UNC13C: variants seen among roughly 807,000 people sequenced by gnomAD.
UNC13C encodes the protein protein unc-13 homolog C.
In UNC13C, 174 loss-of-function variants were observed where a neutral mutation model predicts 245.4. That is an observed-to-expected ratio of 0.71 (90% confidence interval 0.63 to 0.80). The LOEUF (loss-of-function observed/expected upper bound fraction) is 0.80. Ranked by LOEUF, UNC13C falls within the 30% of genes least tolerant of loss-of-function variation. The pLI is 0.00. For missense variants in UNC13C, 2,829 were observed against 2,602.9 expected, an observed-to-expected ratio of 1.09 and a Z score of -1.89; for synonymous variants, 992 against 895.1, an observed-to-expected ratio of 1.11 and a Z score of -1.93.
intron 2 of UNC13C, among the ~76,000 whole-genome samples, chr15:54,114,168 T>G (rs2030043519): frequency 6.6e-6 from 1 of 152,184 alleles, no homozygotes; most frequent in South Asian, 2.1e-4. Flanking sequence ...TGCATCCTCT[T>G]TCTATAGATT....
intron 2 of UNC13C, among the ~76,000 whole-genome samples, chr15:54,022,859 C>A (rs1023334796): frequency 6.6e-6 from 1 of 152,086 alleles, no homozygotes. Flanking sequence ...CAGTAGAGAA[C>A]CAGCTAGGGA....
chr15:54,393,288 T>C, intron 18 of UNC13C, 107 bp downstream of exon 18: 1 of 973,738 alleles, frequency 1.0e-6, no homozygotes, highest in East Asian at 3.2e-5. Flanking sequence ...TTTTCCATAA[T>C]TAAGCTATAG....
chr15:54,621,647 T>C (rs1460545410), intron 30 of UNC13C, among the ~76,000 whole-genome samples: 1 of 152,126 alleles, frequency 6.6e-6, no homozygotes, highest in Non-Finnish European at 1.5e-5. Flanking sequence ...AGTAAGAGGT[T>C]GGTGTTATCC....
At chr15:54,631,734 T>G (rs1207701954), downstream of UNC13C, 1 of 152,220 alleles carries the variant, frequency 6.6e-6, no homozygotes, top group Non-Finnish European at 1.5e-5. Flanking sequence ...ATTAAAAAGA[T>G]TTCATTCACC....
At chr15:54,168,520 C>A (rs971595322) in intron 4 of UNC13C, among the ~76,000 whole-genome samples, 1 of 152,102 alleles carries the variant, frequency 6.6e-6, no homozygotes, top group African/African-American at 2.4e-5. Flanking sequence ...CAGCGTTCAA[C>A]TTTTATATGC....
chr15:54,103,240 G>T (rs535122848), intron 2 of UNC13C, among the ~76,000 whole-genome samples: 2 of 152,076 alleles, frequency 1.3e-5, no homozygotes, highest in Admixed American at 6.5e-5. Flanking sequence ...CATACATCTC[G>T]CCATTCTTTT....
chr15:54,233,185 A>C (rs1161104676), intron 4 of UNC13C, among the ~76,000 whole-genome samples: 2 of 152,138 alleles, frequency 1.3e-5, no homozygotes, highest in Non-Finnish European at 2.9e-5. Context: ...AGAGAGTGTT[A>C]ATTGTCATTA....
chr15:53,984,863 T>C (rs1455311621), intron 1 of UNC13C, among the ~76,000 whole-genome samples: 4 of 152,096 alleles, frequency 2.6e-5, no homozygotes, highest in Non-Finnish European at 4.4e-5. Flanking sequence ...TGGGATTGTT[T>C]TGGACAGCCT....
intron 29 of UNC13C, among the ~76,000 whole-genome samples, chr15:54,563,328 C>T (rs918194984): frequency 6.6e-6 from 1 of 151,994 alleles, no homozygotes; most frequent in African/African-American, 2.4e-5. Context: ...AGAATGTCAT[C>T]CAGCTAATGT....
the UNC13C span, among the ~76,000 whole-genome samples, chr15:53,872,969 G>C: frequency 6.6e-6 from 1 of 152,110 alleles, no homozygotes; most frequent in Non-Finnish European, 1.5e-5. Context: ...GTAGTTCTCA[G>C]AGCATCCAGA....
chr15:54,374,991 A>G (rs1329446707), intron 17 of UNC13C, among the ~76,000 whole-genome samples: 2 of 152,254 alleles, frequency 1.3e-5, no homozygotes, highest in Non-Finnish European at 2.9e-5. Flanking sequence ...TATATTCTAT[A>G]GATGATAAGA....
intron 17 of UNC13C, among the ~76,000 whole-genome samples, chr15:54,386,338 A>G (rs1422137044): frequency 1.3e-5 from 2 of 152,218 alleles, no homozygotes; most frequent in Non-Finnish European, 2.9e-5. Flanking sequence ...ATAGCAATAA[A>G]GTCAGCTACC....
At chr15:54,313,731 A>G (rs1408662366) in intron 13 of UNC13C, among the ~76,000 whole-genome samples, 1 of 151,756 alleles carries the variant, frequency 6.6e-6, no homozygotes, top group Non-Finnish European at 1.5e-5. Flanking sequence ...AACCAAACAC[A>G]TTCCAGAAGG....
chr15:53,864,724 T>C, the UNC13C span, among the ~76,000 whole-genome samples: 1 of 152,208 alleles, frequency 6.6e-6, no homozygotes, highest in African/African-American at 2.4e-5. Context: ...AAATACCCTC[T>C]TCCTAGATTG....
chr15:54,124,605 G>A (rs1377235201), intron 2 of UNC13C, among the ~76,000 whole-genome samples: 1 of 151,724 alleles, frequency 6.6e-6, no homozygotes, highest in East Asian at 1.9e-4. Context: ...TCCTAACAAG[G>A]TCTTTCTAAG....
chr15:54,261,738 G>A (rs775715660), intron 8 of UNC13C, among the ~76,000 whole-genome samples: 10 of 152,136 alleles, frequency 6.6e-5, no homozygotes, highest in Non-Finnish European at 1.3e-4. Flanking sequence ...TAGAGACAGA[G>A]TTTCACCATG....
chr15:54,407,161 TA>T (rs1329049050), intron 18 of UNC13C, among the ~76,000 whole-genome samples: 1 of 152,188 alleles, frequency 6.6e-6, no homozygotes, highest in Non-Finnish European at 1.5e-5. Flanking sequence ...CCTGTGTTTT[TA>T]AAAGGTAAAT....
chr15:54,304,299 T>G (rs1215601415), intron 13 of UNC13C, among the ~76,000 whole-genome samples: 2 of 152,078 alleles, frequency 1.3e-5, no homozygotes, highest in Non-Finnish European at 2.9e-5. Flanking sequence ...CAGATAGAAA[T>G]AAAGCAAAAG....
the UNC13C span, among the ~76,000 whole-genome samples, chr15:53,889,553 T>C: frequency 6.6e-6 from 1 of 152,194 alleles, no homozygotes; most frequent in African/African-American, 2.4e-5. Context: ...TTTCTTTCTC[T>C]TGCCTGATTG....
Sources: gnomAD v4.1 joint callset for allele counts (sites outside exome capture counted in the v4.1 genomes callset) on GRCh38, gnomAD v4.1.1 for gene constraint, MANE v1.5 for transcripts, NCBI Gene and HGNC (gene_info 2026-07-23, HGNC 2026-07-21) for gene names.